Variants in NOL11 observed in about 807,000 individuals in gnomAD.
The protein encoded by NOL11 is nucleolar protein 11.
Under a neutral mutation model 93.0 loss-of-function variants are expected in NOL11, and 42 were observed. The ratio of observed to expected loss-of-function variants is 0.45; its 90% CI spans 0.35 to 0.58. The LOEUF is 0.58. NOL11 is among the 20% of genes least tolerant of loss of function. NOL11 has a pLI of 0.00. For missense variants in NOL11, 775 were observed against 841.8 expected (o/e 0.92, Z 0.98); for synonymous variants, 296 against 293.7 (o/e 1.01, Z -0.08).
At chr17:67,735,443 T>C (rs1015351005) in intron 8 of NOL11, among the ~76,000 whole-genome samples, 3 of 152,060 alleles carry the variant, frequency 2.0e-5, no homozygotes, top group African/African-American at 7.2e-5. Flanking sequence ...CATTTTATTA[T>C]TTATTATTAC....
intron 9 of NOL11, 82 bp downstream of exon 9, chr17:67,736,105 A>G: frequency 7.9e-7 from 1 of 1,267,350 alleles, no homozygotes; most frequent in South Asian, 1.5e-5. Context: ...ACAGCCTTCT[A>G]TTTGTAAAGC....
intron 14 of NOL11, chr17:67,738,696 G>A: frequency 4.5e-6 from 2 of 440,992 alleles, no homozygotes; most frequent in Non-Finnish European, 8.0e-6. Context: ...AAAAAAAGAA[G>A]AAGCTATACT....
At chr17:67,718,847 A>G (rs1409868802) in intron 1 of NOL11, among the ~76,000 whole-genome samples, 1 of 152,186 alleles carries the variant, frequency 6.6e-6, no homozygotes, top group Non-Finnish European at 1.5e-5. Flanking sequence ...TGACTCTGCT[A>G]ACTCTATTGG....
At chr17:67,734,550 T>C in intron 8 of NOL11, 111 bp downstream of exon 8, 2 of 666,514 alleles carry the variant, frequency 3.0e-6, no homozygotes, top group Non-Finnish European at 5.3e-6. Context: ...TCTTTTACTC[T>C]TGGGCTCAAG....
rs923792253 is a variant in NOL11 at position 67,739,439 on chromosome 17, C to G, written c.1843-77C>G. On this transcript the variant is annotated intron_variant, in intron 15 of 17. Transcript: ENST00000253247. ...TGATGTATAAATTGAACATTTTTTT[C>G]AATCTTCGTGATGGGTTTATATAAT... The G allele has an allele frequency of 5.9e-5, 49 of 826,638 alleles. No homozygotes were observed. In the Admixed American group the frequency reaches 1.4e-3, roughly 23 times the overall value. The allele number at this position is 826,638 out of a possible 1,614,324, so 51.2% of individuals were successfully genotyped here. A position where few individuals can be genotyped will look rare whatever the true frequency, so the allele number is the denominator to read the frequency against.
rs1447480306 is a variant in NOL11 at position 67,724,149 on chromosome 17, T to C, written c.620T>C (p.Phe207Ser). 1.3e-6 allele frequency: 2 copies of C among 1,590,040 alleles called. No homozygotes were observed. Among genetic ancestry groups the C allele is most frequent in the East Asian group, 2.2e-5 (1 of 44,720 alleles). ...GQDENSVIKS[F>S]TASVDRKFIS... ...GACGAAAACTCTGTTATAAAGAGTT[T>C]TACTGCATCTGTAGATCGGAAATTC... The change falls in exon 6 of 18, where the codon TTT (phenylalanine) becomes TCT (serine). Residue 207 changes from phenylalanine (F) to serine (S), a missense_variant. Transcript: ENST00000253247.
At chr17:67,742,698 C>G (rs1337708480) in intron 16 of NOL11, among the ~76,000 whole-genome samples, 1 of 152,104 alleles carries the variant, frequency 6.6e-6, no homozygotes, top group Non-Finnish European at 1.5e-5. Context: ...GATCAGCTCC[C>G]CCTCCCAAAT....
chr17:67,737,248 A>G (rs1425894157), intron 11 of NOL11, 103 bp downstream of exon 11: 1 of 770,462 alleles, frequency 1.3e-6, no homozygotes, highest in Non-Finnish European at 2.2e-6. Flanking sequence ...CTTTATACCT[A>G]TAGCTAACAT....
chr17:67,738,432 A>C, intron 14 of NOL11, 77 bp downstream of exon 14: 1 of 886,146 alleles, frequency 1.1e-6, no homozygotes, highest in Non-Finnish European at 1.8e-6. Flanking sequence ...CCAAGGAGTA[A>C]CTCAATAATT....
At chr17:67,731,120 CTT>C (rs1278659256) in intron 7 of NOL11, among the ~76,000 whole-genome samples, 1 of 152,068 alleles carries the variant, frequency 6.6e-6, no homozygotes, top group Non-Finnish European at 1.5e-5. Flanking sequence ...ATAAGGTTGT[CTT>C]TTTTGTTGAA....
intron 14 of NOL11, 68 bp from the exon 15 acceptor site, chr17:67,738,864 G>A: frequency 1.0e-6 from 1 of 972,726 alleles, no homozygotes; most frequent in Non-Finnish European, 1.6e-6. Flanking sequence ...CATTGACAAA[G>A]GAAGTTACTC....
chr17:67,720,601 C>A (rs1016990053), intron 3 of NOL11, among the ~76,000 whole-genome samples: 7 of 151,834 alleles, frequency 4.6e-5, no homozygotes, highest in African/African-American at 1.7e-4. Context: ...GCGCCTGGCC[C>A]ATGTATTGTA....
intron 10 of NOL11, 111 bp downstream of exon 10, chr17:67,736,865 T>C: frequency 1.2e-6 from 1 of 864,048 alleles, no homozygotes; most frequent in East Asian, 2.6e-5. Flanking sequence ...TTGACTATAA[T>C]GACAGGACAG....
chr17:67,743,654 TA>T, intron 17 of NOL11, 68 bp downstream of exon 17: 1 of 1,258,954 alleles, frequency 7.9e-7, no homozygotes, highest in Non-Finnish European at 1.1e-6. Context: ...CAATTATTCT[TA>T]AAATTTGTCC....
chr17:67,721,672 C>T (rs2043218434), intron 4 of NOL11, 146 bp downstream of exon 4: 1 of 666,070 alleles, frequency 1.5e-6, no homozygotes, highest in Non-Finnish European at 2.5e-6. Context: ...AAACAACATC[C>T]TAAAAAGCCT....
chr17:67,743,883 C>T lies in NOL11; in HGVS notation c.*24C>T, dbSNP rs746123037. 2.0e-5 allele frequency: 23 copies of T among 1,161,048 alleles called. No individual in the cohort carries two copies. Among genetic ancestry groups the T allele is most frequent in the Non-Finnish European group, 2.3e-5 (19 of 809,460 alleles). The allele number at this position is 1,161,048 out of a possible 1,614,324, so 71.9% of individuals were successfully genotyped here. A position where few individuals can be genotyped will look rare whatever the true frequency, so the allele number is the denominator to read the frequency against. On this transcript the variant is annotated 3_prime_UTR_variant, in exon 18 of 18. Coordinates refer to ENST00000253247, the MANE Select transcript of NOL11 (RefSeq NM_015462.5). ...GATATTATCAATTCTCCTTCATAGA[C>T]ATTTTATAAAGCTCTTTTATGTGAA...
intron 3 of NOL11, chr17:67,720,300 CT>C (rs766269065): frequency 0.041 from 5,450 of 132,432 alleles, 280 homozygotes; most frequent in African/African-American, 0.14. Context: ...GTGTATTGTA[CT>C]TTTTTTTTTT....
At chr17:67,725,400 A>G (rs961522767) in intron 6 of NOL11, among the ~76,000 whole-genome samples, 2 of 150,142 alleles carry the variant, frequency 1.3e-5, no homozygotes, top group Admixed American at 6.6e-5. Flanking sequence ...GGCGGGGAAG[A>G]AAAAAAAAAG....
rs369079761 is a variant in NOL11, at chr17:67,738,997, C to G, written c.1829C>G (p.Ala610Gly). 6.2e-7 allele frequency: 1 copy of G among 1,607,584 alleles called. No individual in the cohort carries two copies. The highest frequency in any genetic ancestry group is 8.5e-7 in the Non-Finnish European group (1 of 1,174,584). ...FLLPHLKDIPAQHITLFLKYL... is the reference protein window; with the variant it reads ...FLLPHLKDIPGQHITLFLKYL... ...CTGCCTCATTTGAAAGACATCCCAG[C>G]ACAGCATATCACGGTAAGTGTTCAT... The change falls in exon 15 of 18, where the codon GCA becomes GGA. Residue 610 changes from alanine to glycine, a missense_variant. Around this residue, in one of 2 missense-constraint regions of NOL11, gnomAD observed 416 missense variants for 525.2 expected, o/e 0.79. Transcript: ENST00000253247.
Sources: gnomAD v4.1 joint callset for allele counts (sites outside exome capture counted in the v4.1 genomes callset) on GRCh38, gnomAD v4.1.1 for gene constraint, gnomAD v4.1.1 regional missense constraint, MANE v1.5 for transcripts, NCBI Gene and HGNC (gene_info 2026-07-23, HGNC 2026-07-21) for gene names.